Variants in DOK5 observed in about 807,000 individuals in gnomAD.
DOK5 encodes the protein downstream of tyrosine kinase 5.
DOK5 carries 27 observed loss-of-function variants against 43.3 expected under a neutral mutation model. The observed-to-expected ratio is 0.62, with a 90% CI of 0.46 to 0.86. The LOEUF (loss-of-function observed/expected upper bound fraction) is 0.86. Ranked by LOEUF, DOK5 falls within the 40% of genes least tolerant of loss-of-function variation. DOK5 has a pLI of 0.00. For synonymous variants in DOK5, 146 were observed against 140.1 expected (o/e 1.04, Z -0.30); for missense variants, 373 against 392.9 (o/e 0.95, Z 0.43).
intron 1 of DOK5, among the ~76,000 whole-genome samples, chr20:54,538,673 G>T (rs909982649): frequency 1.3e-5 from 2 of 152,118 alleles, no homozygotes; most frequent in Non-Finnish European, 2.9e-5. Context: ...AAATATTTAG[G>T]ACAATGATAA....
chr20:54,601,645 C>T (rs1986301037), intron 5 of DOK5, among the ~76,000 whole-genome samples: 1 of 152,206 alleles, frequency 6.6e-6, no homozygotes, highest in Non-Finnish European at 1.5e-5. Context: ...TGAGGGGACT[C>T]TGGCTGTTAG....
At position 54,625,886 on chromosome 20, in the gene DOK5, C is replaced by T. The variant is rs769180359; in HGVS notation, c.735+15363C>T. Among the ~76,000 whole-genome samples the T allele has an allele frequency of 3.6e-4, 55 of 152,146 alleles. 1 individual carries two copies. Among genetic ancestry groups the T allele is most frequent in the Non-Finnish European group, 6.2e-4 (42 of 68,032 alleles). ...CCATCCATAATTCAATTATCCAATCCCTTTTTATTAAATGCCTACTATATG... is the reference window on the plus strand; with the variant it reads ...CCATCCATAATTCAATTATCCAATCTCTTTTTATTAAATGCCTACTATATG... On this transcript the variant is annotated intron_variant, in intron 6 of 7. Transcript: ENST00000262593.
rs139451721 is a variant in DOK5, at chr20:54,616,915, G to C, written c.735+6392G>C. Among the ~76,000 whole-genome samples the C allele has an allele frequency of 4.7e-5, 7 of 150,182 alleles. No individual in the cohort carries two copies. In the South Asian group the frequency reaches 1.5e-3, roughly 32 times the overall value. On this transcript the variant is annotated intron_variant, in intron 6 of 7. Coordinates refer to ENST00000262593, the MANE Select transcript of DOK5 (RefSeq NM_018431.5). ...CACCATTCTCCTGCCTCAGCCTCCC[G>C]AGTAGCTGAGACTACAGGCGCCTGC...
At position 54,547,092 on chromosome 20, in the gene DOK5, G is replaced by C. The variant is rs572704517; in HGVS notation, c.67-7841G>C. ...AAATACTACCGTAGACCAGAGGTTG[G>C]CAAACTATGGTCCACAGGCCAAATC... is the stretch of plus-strand genomic sequence containing the variant. On this transcript the variant is annotated intron_variant, in intron 1 of 7. Coordinates refer to ENST00000262593, the MANE Select transcript of DOK5 (RefSeq NM_018431.5). Among the ~76,000 whole-genome samples, 7 of 152,292 alleles carry C rather than the reference G, an allele frequency of 4.6e-5. No individual in the cohort carries two copies. In the South Asian group the frequency reaches 1.5e-3, roughly 32 times the overall value.
At chr20:54,518,561 T>G (rs1600676053) in intron 1 of DOK5, among the ~76,000 whole-genome samples, 1 of 152,316 alleles carries the variant, frequency 6.6e-6, no homozygotes, top group African/African-American at 2.4e-5. Context: ...TCTTTGCTAT[T>G]GTGAATAGTG....
chr20:54,539,420 G>A (rs1984072673), intron 1 of DOK5, among the ~76,000 whole-genome samples: 1 of 151,666 alleles, frequency 6.6e-6, no homozygotes, highest in East Asian at 1.9e-4. Context: ...AATCCTGCCT[G>A]TATCAATGTC....
chr20:54,636,909 G>A (rs373324360), intron 6 of DOK5, among the ~76,000 whole-genome samples: 1 of 152,098 alleles, frequency 6.6e-6, no homozygotes, highest in Non-Finnish European at 1.5e-5. Context: ...CAGGACTTTT[G>A]GGGGGGACAA....
chr20:54,569,282 A>C (rs1985207642), intron 2 of DOK5, among the ~76,000 whole-genome samples: 1 of 152,178 alleles, frequency 6.6e-6, no homozygotes, highest in African/African-American at 2.4e-5. Flanking sequence ...ATTGTGGTTA[A>C]TGAGATAAAT....
At chr20:54,553,328 T>C (rs571715644) in intron 1 of DOK5, among the ~76,000 whole-genome samples, 282 of 152,148 alleles carry the variant, frequency 1.9e-3, no homozygotes, top group Non-Finnish European at 3.5e-3. Flanking sequence ...CCCAAGTAGC[T>C]GGGACGGCAG....
intron 1 of DOK5, among the ~76,000 whole-genome samples, chr20:54,539,525 C>T (rs1370587977): frequency 6.6e-6 from 1 of 152,110 alleles, no homozygotes. Context: ...GTATTTGCTG[C>T]AACTGCCTGT....
At chr20:54,638,752 C>CTTTTTTTTTTTTT (rs11476340) in intron 6 of DOK5, among the ~76,000 whole-genome samples, 1 of 98,534 alleles carries the variant, frequency 1.0e-5, no homozygotes, top group Non-Finnish European at 2.1e-5. Flanking sequence ...CTTTTCTTTT[C>CTTTTTTTTTTTTT]TTTTTTTTTT....
Position 54,610,397 on chromosome 20 carries a change from G to A in DOK5, c.609G>A (p.Glu203=). 1 of 1,556,308 alleles carries A rather than the reference G, an allele frequency of 6.4e-7. No individual in the cohort carries two copies. The highest frequency in any genetic ancestry group is 8.7e-7 in the Non-Finnish European group (1 of 1,154,654). ...WFTFEAGRMC[E]TGEGLFIFQT... ...GTTTTTGTTTTCACAGGATGTGTGA[G>A]ACTGGTGAAGGGCTGTTTATCTTTC... is the stretch of plus-strand genomic sequence containing the variant. Residue 203 remains glutamate (E), a synonymous_variant, in exon 6 of 8, where the codon GAG becomes GAA. Transcript: ENST00000262593.
chr20:54,628,357 C>T (rs984670785), intron 6 of DOK5, among the ~76,000 whole-genome samples: 2 of 130,282 alleles, frequency 1.5e-5, no homozygotes, highest in Non-Finnish European at 3.1e-5. Context: ...TGCAGTGAGC[C>T]GAGATCGCGC....
intron 5 of DOK5, among the ~76,000 whole-genome samples, chr20:54,606,222 T>C (rs972568559): frequency 1.3e-5 from 2 of 152,230 alleles, no homozygotes; most frequent in Non-Finnish European, 2.9e-5. Flanking sequence ...AGCAATATTA[T>C]TATATTTGAA....
At chr20:54,631,268 C>A (rs1978553662) in intron 6 of DOK5, among the ~76,000 whole-genome samples, 1 of 152,098 alleles carries the variant, frequency 6.6e-6, no homozygotes, top group Admixed American at 6.5e-5. Context: ...CAAAAATTAG[C>A]CAGGCATAGT....
intron 2 of DOK5, among the ~76,000 whole-genome samples, chr20:54,567,176 T>C (rs1244946712): frequency 6.6e-6 from 1 of 152,146 alleles, no homozygotes; most frequent in Non-Finnish European, 1.5e-5. Flanking sequence ...AAGAAAAGTA[T>C]TAATTTTGAT....
chr20:54,504,654 C>G (rs976900973), intron 1 of DOK5, among the ~76,000 whole-genome samples: 1 of 152,214 alleles, frequency 6.6e-6, no homozygotes, highest in African/African-American at 2.4e-5. Context: ...TTGGCCTTAT[C>G]TGCATTTCTG....
At chr20:54,575,831 C>T (rs915426363) in intron 2 of DOK5, among the ~76,000 whole-genome samples, 2 of 152,184 alleles carry the variant, frequency 1.3e-5, no homozygotes, top group Non-Finnish European at 2.9e-5. Context: ...TGAACATGCA[C>T]ATGCATGTGA....
chr20:54,617,082 G>A lies in DOK5; in HGVS notation c.735+6559G>A, dbSNP rs918736136. ...TGGGATTACAGGCGTGAGCCACTGC[G>A]CCCAGCCAAGGATCCACTTTCAAGC... On this transcript the variant is annotated intron_variant, in intron 6 of 7. Coordinates refer to ENST00000262593, the MANE Select transcript of DOK5 (RefSeq NM_018431.5). 8.6e-5 allele frequency among the ~76,000 whole-genome samples: 13 copies of A among 152,016 alleles called. No individual in the cohort carries two copies. The East Asian group carries it at 1.2e-3, about 14-fold the overall frequency.
Sources: gnomAD v4.1 joint callset for allele counts (sites outside exome capture counted in the v4.1 genomes callset) on GRCh38, gnomAD v4.1.1 for gene constraint, MANE v1.5 for transcripts, NCBI Gene and HGNC (gene_info 2026-07-23, HGNC 2026-07-21) for gene names.